CTNND2: variants seen among roughly 807,000 people sequenced by gnomAD.
CTNND2 encodes catenin delta 2.
CTNND2 carries 22 observed loss-of-function variants against 144.4 expected under a neutral mutation model. The ratio of observed to expected loss-of-function variants is 0.15; its 90% CI spans 0.11 to 0.22. CTNND2 has a LOEUF of 0.22. Among genes scored for constraint, CTNND2 ranks in the 10% least tolerant of loss-of-function variants. The pLI is 1.00. For missense variants in CTNND2, 1,353 were observed against 1,618.8 expected (o/e 0.84, Z 2.82); for synonymous variants, 751 against 695.6 (o/e 1.08, Z -1.25).
chr5:11,217,388 G>T, intron 10 of CTNND2, among the ~76,000 whole-genome samples: 1 of 152,184 alleles, frequency 6.6e-6, no homozygotes, highest in East Asian at 1.9e-4. Context: ...CTTTTCAAAA[G>T]TGTTCTCCAT....
chr5:11,443,343 GA>G, intron 3 of CTNND2, among the ~76,000 whole-genome samples: 1 of 78,154 alleles, frequency 1.3e-5, no homozygotes, highest in African/African-American at 6.5e-5. Context: ...TGTGTGTGGG[GA>G]GTGTGTGGGA....
intron 1 of CTNND2, among the ~76,000 whole-genome samples, chr5:11,900,862 C>T (rs993693661): frequency 6.6e-6 from 1 of 152,128 alleles, no homozygotes; most frequent in Non-Finnish European, 1.5e-5. Flanking sequence ...ATTATGACAT[C>T]CAAGTTTAAG....
At chr5:11,629,959 GA>G (rs1179612154) in intron 2 of CTNND2, among the ~76,000 whole-genome samples, 1 of 151,948 alleles carries the variant, frequency 6.6e-6, no homozygotes, top group Non-Finnish European at 1.5e-5. Flanking sequence ...TTTTATAGGG[GA>G]AAAAAGTAAA....
Position 11,408,933 on chromosome 5 carries a change from T to C in CTNND2, c.439+2603A>G, listed in dbSNP as rs180709050. 6.7e-4 allele frequency among the ~76,000 whole-genome samples: 102 copies of C among 152,212 alleles called. 1 individual carries two copies. The Middle Eastern group carries it at 0.011, about 16-fold the overall frequency. ...ATTTATCTTTGACTATTTTACTTTATATTACTTTATCTCTGCATTACTATT... is the reference window on the plus strand; with the variant it reads ...ATTTATCTTTGACTATTTTACTTTACATTACTTTATCTCTGCATTACTATT... On this transcript the variant is annotated intron_variant, in intron 5 of 21. Transcript: ENST00000304623.
At chr5:11,724,402 G>A (rs1277772716) in intron 2 of CTNND2, among the ~76,000 whole-genome samples, 1 of 152,176 alleles carries the variant, frequency 6.6e-6, no homozygotes, top group Non-Finnish European at 1.5e-5. Context: ...ATTGCCTCTG[G>A]CTTTTGACAG....
chr5:11,262,781 A>G (rs899847395), intron 9 of CTNND2, among the ~76,000 whole-genome samples: 3 of 148,666 alleles, frequency 2.0e-5, no homozygotes, highest in Non-Finnish European at 4.5e-5. Flanking sequence ...AAAAAAAAAA[A>G]AAAAAAAGAA....
intron 3 of CTNND2, among the ~76,000 whole-genome samples, chr5:11,536,758 T>C (rs1360947920): frequency 6.6e-6 from 1 of 151,968 alleles, no homozygotes; most frequent in East Asian, 1.9e-4. Flanking sequence ...GATAAAAGAC[T>C]ATACATTGGG....
intron 14 of CTNND2, among the ~76,000 whole-genome samples, chr5:11,100,534 C>A (rs879742726): frequency 6.6e-6 from 1 of 152,184 alleles, no homozygotes; most frequent in Admixed American, 6.5e-5. Context: ...TAGAAAAAGA[C>A]AGTAGTCATT....
At chr5:11,499,755 A>G (rs17217572) in intron 3 of CTNND2, among the ~76,000 whole-genome samples, 21,556 of 152,196 alleles carry the variant, frequency 0.14, 1,601 homozygotes, top group Middle Eastern at 0.27. Context: ...TGTTTAAGTC[A>G]GAATCCAAAA....
rs1581076397 is a variant in CTNND2, at chr5:11,384,599, G to A, written c.1177+66C>T. On this transcript the variant is annotated intron_variant, in intron 7 of 21. Coordinates refer to ENST00000304623, the MANE Select transcript of CTNND2 (RefSeq NM_001332.4). The surrounding 1 kb of genome is among the most constrained non-coding windows in gnomAD (Gnocchi z 5.2). The stretch of plus-strand genomic sequence containing the variant: ...CCCGGCTTCGCTTCTGCTCAAGCCG[G>A]GCTGCTGCTTCCGCGTCCCCGCCAC... 1.4e-6 allele frequency: 2 copies of A among 1,472,630 alleles called. No individual in the cohort carries two copies. Among genetic ancestry groups the A allele is most frequent in the South Asian group, 2.5e-5 (2 of 81,242 alleles). 91.2% of individuals were successfully genotyped at this position (1,472,630 alleles called of 1,614,324 possible). A position where few individuals can be genotyped will look rare whatever the true frequency, so the allele number is the denominator to read the frequency against.
chr5:11,056,371 A>AAAGTTTTAGTGTTTAGTAT (rs1207996115), intron 16 of CTNND2, among the ~76,000 whole-genome samples: 1 of 152,260 alleles, frequency 6.6e-6, no homozygotes. Context: ...AATCTGGGAA[A>AAAGTTTTAGTGTTTAGTAT]AAGTTTTAGT....
chr5:11,037,115 G>T (rs1744162344), intron 16 of CTNND2, among the ~76,000 whole-genome samples: 1 of 152,168 alleles, frequency 6.6e-6, no homozygotes, highest in Admixed American at 6.5e-5. Context: ...TCAGTTGGTG[G>T]TAATCCAAAC....
intron 2 of CTNND2, among the ~76,000 whole-genome samples, chr5:11,638,435 T>C (rs1320591606): frequency 3.3e-5 from 5 of 152,238 alleles, no homozygotes; most frequent in Non-Finnish European, 7.3e-5. Flanking sequence ...TGAGATGTCT[T>C]AATTCTCCTT....
intron 12 of CTNND2, among the ~76,000 whole-genome samples, chr5:11,156,660 T>C (rs528728310): frequency 2.0e-5 from 3 of 152,264 alleles, no homozygotes; most frequent in African/African-American, 4.8e-5. Flanking sequence ...CCTTAAAATA[T>C]AGTCTTATTT....
intron 2 of CTNND2, among the ~76,000 whole-genome samples, chr5:11,628,531 G>A (rs1781266715): frequency 6.6e-6 from 1 of 152,156 alleles, no homozygotes. Context: ...CTCTGGGGTT[G>A]AAATTCCCTA....
chr5:11,571,633 C>T (rs894545107), intron 2 of CTNND2, among the ~76,000 whole-genome samples: 8 of 152,018 alleles, frequency 5.3e-5, no homozygotes, highest in Non-Finnish European at 1.0e-4. Context: ...AGCCAATCTC[C>T]GGAGCTTACC....
At chr5:11,478,545 G>A (rs1013272558) in intron 3 of CTNND2, among the ~76,000 whole-genome samples, 2 of 152,186 alleles carry the variant, frequency 1.3e-5, no homozygotes, top group Admixed American at 6.5e-5. Flanking sequence ...AGCCACATCT[G>A]TTCATTTATT....
At chr5:11,001,185 T>A (rs944779371) in intron 18 of CTNND2, among the ~76,000 whole-genome samples, 5 of 152,180 alleles carry the variant, frequency 3.3e-5, no homozygotes, top group Non-Finnish European at 7.3e-5. Flanking sequence ...CTCTATGACA[T>A]AGCAGGGCAC....
intron 9 of CTNND2, among the ~76,000 whole-genome samples, chr5:11,256,394 T>G (rs1744249411): frequency 6.6e-6 from 1 of 152,222 alleles, no homozygotes; most frequent in Non-Finnish European, 1.5e-5. Context: ...CTTGTCACGT[T>G]GAAACTTGAC....
Sources: allele counts gnomAD v4.1 joint callset (sites outside exome capture counted in the v4.1 genomes callset), GRCh38; gene constraint gnomAD v4.1.1; non-coding constraint Gnocchi (gnomAD v3.1); transcripts MANE v1.5; gene names NCBI Gene and HGNC (gene_info 2026-07-23, HGNC 2026-07-21).